Variants in OCA2 observed in about 807,000 individuals in gnomAD.
OCA2 encodes OCA2 melanosomal transmembrane protein, also known as P protein.
OCA2 carries 77 observed loss-of-function variants against 100.2 expected under a neutral mutation model. That is an observed-to-expected ratio of 0.77 (90% CI 0.64 to 0.93). The LOEUF (loss-of-function observed/expected upper bound fraction) is 0.93. Ranked by LOEUF, OCA2 falls within the 40% of genes least tolerant of loss-of-function variation. The pLI, the probability that OCA2 is intolerant of heterozygous loss-of-function variation, is 0.00. For missense variants in OCA2, 1,062 were observed against 1,089.1 expected (o/e 0.98, Z 0.35); for synonymous variants, 432 against 439.2 (o/e 0.98, Z 0.21).
At chr15:27,946,044 C>T (rs1275677133) in intron 18 of OCA2, among the ~76,000 whole-genome samples, 1 of 152,130 alleles carries the variant, frequency 6.6e-6, no homozygotes, top group African/African-American at 2.4e-5. Flanking sequence ...CTTTATTTGT[C>T]CCACTTTGTG....
intron 15 of OCA2, among the ~76,000 whole-genome samples, chr15:27,961,822 T>C (rs1376939370): frequency 1.3e-5 from 2 of 151,952 alleles, no homozygotes; most frequent in African/African-American, 2.4e-5. Context: ...AGGGGAGGGA[T>C]AGCATTAGGA....
At chr15:27,873,378 G>A (rs1409342350) in intron 19 of OCA2, among the ~76,000 whole-genome samples, 1 of 152,000 alleles carries the variant, frequency 6.6e-6, no homozygotes, top group African/African-American at 2.4e-5. Flanking sequence ...TTCCCAGGGG[G>A]GATAAAATCA....
the OCA2 span, among the ~76,000 whole-genome samples, chr15:27,747,922 G>A: frequency 1.6e-3 from 250 of 152,240 alleles, 1 homozygote; most frequent in Non-Finnish European, 2.8e-3. Flanking sequence ...ACTCTGAAAC[G>A]TGGATGAGGA....
At chr15:27,974,787 G>A (rs1376974409) in intron 14 of OCA2, among the ~76,000 whole-genome samples, 1 of 152,088 alleles carries the variant, frequency 6.6e-6, no homozygotes, top group African/African-American at 2.4e-5. Context: ...CCCAAATTCA[G>A]AGAAAGTCAT....
chr15:27,922,206 T>C (rs752372958), intron 19 of OCA2, among the ~76,000 whole-genome samples: 11 of 152,232 alleles, frequency 7.2e-5, no homozygotes, highest in Admixed American at 5.9e-4. Flanking sequence ...TCTGCTTCTT[T>C]AGAGCACTTC....
At chr15:27,791,842 C>T (rs554243119) in intron 23 of OCA2, among the ~76,000 whole-genome samples, 1 of 152,278 alleles carries the variant, frequency 6.6e-6, no homozygotes, top group Non-Finnish European at 1.5e-5. Context: ...TTTTAGACCT[C>T]TGTTTTTCTC....
chr15:28,083,637 T>A (rs1028437815), intron 1 of OCA2, among the ~76,000 whole-genome samples: 1 of 152,240 alleles, frequency 6.6e-6, no homozygotes, highest in African/African-American at 2.4e-5. Context: ...TGTGGCATGA[T>A]ATAAAGATGA....
In OCA2 at chr15:27,922,187, C is replaced by T. The variant is rs552491341; in HGVS notation, c.2079+3940G>A. 4.6e-5 allele frequency among the ~76,000 whole-genome samples: 7 copies of T among 152,320 alleles called. No individual in the cohort carries two copies. In the South Asian group the frequency reaches 8.3e-4, roughly 18 times the overall value. On this transcript the variant is annotated intron_variant, in intron 19 of 23. Transcript: ENST00000354638. ...AATCCAACTTTCTCCTGTAATGTTA[C>T]GACCTTTCTCTGCTTCTTTAGAGCA... is the stretch of plus-strand genomic sequence containing the variant.
intron 19 of OCA2, among the ~76,000 whole-genome samples, chr15:27,902,593 A>G (rs2594902): frequency 0.15 from 22,290 of 152,152 alleles, 4,045 homozygotes; most frequent in African/African-American, 0.42. Flanking sequence ...ACTGAATCCC[A>G]GGTTCCCAGG....
intron 23 of OCA2, among the ~76,000 whole-genome samples, chr15:27,759,781 C>G (rs1323486552): frequency 6.6e-6 from 1 of 152,132 alleles, no homozygotes; most frequent in Non-Finnish European, 1.5e-5. Flanking sequence ...CTTTTATTCT[C>G]TCTCTCTGTA....
At chr15:28,046,666 C>T (rs1375164) in intron 2 of OCA2, among the ~76,000 whole-genome samples, 67,414 of 152,056 alleles carry the variant, frequency 0.44, 21,291 homozygotes, top group East Asian at 0.89. Flanking sequence ...CAACCATGCA[C>T]TGACAACAAC....
chr15:27,811,719 C>G (rs1175393457), intron 23 of OCA2, among the ~76,000 whole-genome samples: 1 of 152,130 alleles, frequency 6.6e-6, no homozygotes, highest in Non-Finnish European at 1.5e-5. Context: ...TGTCCATGTG[C>G]GTTTGCCCCT....
At chr15:27,904,219 A>G (rs1448419345) in intron 19 of OCA2, among the ~76,000 whole-genome samples, 2 of 152,172 alleles carry the variant, frequency 1.3e-5, no homozygotes, top group African/African-American at 2.4e-5. Context: ...GCTCGCTCCA[A>G]AATCCACCCG....
chr15:28,048,174 C>T (rs557972492), intron 2 of OCA2, among the ~76,000 whole-genome samples: 1 of 152,254 alleles, frequency 6.6e-6, no homozygotes. Flanking sequence ...GACTTAATGT[C>T]ATTAATATTT....
chr15:27,822,617 T>C (rs765457094), intron 23 of OCA2, among the ~76,000 whole-genome samples: 1 of 152,226 alleles, frequency 6.6e-6, no homozygotes, highest in Non-Finnish European at 1.5e-5. Context: ...GGCGCTGTGG[T>C]TTTAATTTGA....
rs575299612 is a variant in OCA2 at position 28,076,853 on chromosome 15, C to CAAAAAA, written c.227+4789_227+4794dup. ...TGGGCGACAGAGCGAGACTCCGTCT[C>CAAAAAA]AAAAAAAAAAAAAAAAAAAAAATAG... On this transcript the variant is annotated intron_variant, in intron 2 of 23. Coordinates refer to ENST00000354638, the MANE Select transcript of OCA2 (RefSeq NM_000275.3). Among the ~76,000 whole-genome samples, 39 of 60,720 alleles carry CAAAAAA rather than the reference C, an allele frequency of 6.4e-4. 2 individuals are homozygous for CAAAAAA. Among genetic ancestry groups the CAAAAAA allele is most frequent in the African/African-American group, 2.0e-3 (37 of 18,892 alleles). The allele number at this position is 60,720 out of a possible 152,430, so 39.8% of individuals were successfully genotyped here. A position where few individuals can be genotyped will look rare whatever the true frequency, so the allele number is the denominator to read the frequency against.
intron 2 of OCA2, among the ~76,000 whole-genome samples, chr15:28,037,853 G>C (rs570578526): frequency 4.1e-4 from 63 of 152,286 alleles, no homozygotes; most frequent in African/African-American, 1.5e-3. Flanking sequence ...ATCCCAGCCT[G>C]AGGATTGTGC....
chr15:28,021,768 G>C (rs1329677042), intron 6 of OCA2, among the ~76,000 whole-genome samples: 1 of 152,188 alleles, frequency 6.6e-6, no homozygotes. Flanking sequence ...CTGGCAGCCA[G>C]AGGGCGCAGT....
In OCA2 at chr15:28,052,864, G is replaced by C. The variant is rs371416704; in HGVS notation, c.228-20701C>G. 5.9e-5 allele frequency among the ~76,000 whole-genome samples: 9 copies of C among 152,288 alleles called. No homozygotes were observed. In the East Asian group the frequency reaches 1.4e-3, roughly 23 times the overall value. On this transcript the variant is annotated intron_variant, in intron 2 of 23. Transcript: ENST00000354638. ...GTGCTGTTCTAGGAAGGGGGTAATGGACAGGTGAGTTGCTGGCCTATCGCC... is the reference window on the plus strand; with the variant it reads ...GTGCTGTTCTAGGAAGGGGGTAATGCACAGGTGAGTTGCTGGCCTATCGCC...
Sources: allele counts gnomAD v4.1 joint callset (sites outside exome capture counted in the v4.1 genomes callset), GRCh38; gene constraint gnomAD v4.1.1; transcripts MANE v1.5; gene names NCBI Gene and HGNC (gene_info 2026-07-23, HGNC 2026-07-21).